NXPH1: variants seen among roughly 807,000 people sequenced by gnomAD.
The protein encoded by NXPH1 is neurexophilin-1.
In NXPH1, 5 loss-of-function variants were observed where a neutral mutation model predicts 23.7. The ratio of observed to expected loss-of-function variants is 0.21; its 90% CI spans 0.11 to 0.44. NXPH1 has a LOEUF of 0.44. Among genes scored for constraint, NXPH1 ranks in the 20% least tolerant of loss-of-function variants. The pLI is 0.99. For missense variants in NXPH1, 324 were observed against 321.6 expected (o/e 1.01, Z -0.06); for synonymous variants, 144 against 122.2 (o/e 1.18, Z -1.18).
intron 2 of NXPH1, among the ~76,000 whole-genome samples, chr7:8,665,991 A>G (rs1820757899): frequency 1.4e-5 from 2 of 142,914 alleles, no homozygotes; most frequent in African/African-American, 2.6e-5. Context: ...AAACAGGGAC[A>G]ATTTAGCATT....
intron 2 of NXPH1, among the ~76,000 whole-genome samples, chr7:8,722,004 T>C (rs1043431025): frequency 2.0e-5 from 3 of 152,198 alleles, no homozygotes; most frequent in African/African-American, 7.2e-5. Flanking sequence ...TAGTACTTCC[T>C]GTTGAGAGTT....
chr7:8,551,897 C>G (rs1462429960), intron 2 of NXPH1, among the ~76,000 whole-genome samples: 1 of 151,298 alleles, frequency 6.6e-6, no homozygotes, highest in Non-Finnish European at 1.5e-5. Flanking sequence ...AGTCAGCTTC[C>G]AATTTGTTCA....
intron 2 of NXPH1, among the ~76,000 whole-genome samples, chr7:8,736,736 G>T (rs138081073): frequency 6.6e-6 from 1 of 152,138 alleles, no homozygotes; most frequent in African/African-American, 2.4e-5. Context: ...GGGTGTTAAA[G>T]TCTCCCACAT....
At chr7:8,528,203 C>T (rs1817894903) in intron 2 of NXPH1, among the ~76,000 whole-genome samples, 1 of 152,202 alleles carries the variant, frequency 6.6e-6, no homozygotes, top group Non-Finnish European at 1.5e-5. Context: ...CCCCCCTCCT[C>T]CCCTGAAGGG....
At chr7:8,726,664 C>G (rs941140054) in intron 2 of NXPH1, among the ~76,000 whole-genome samples, 11 of 150,010 alleles carry the variant, frequency 7.3e-5, no homozygotes, top group Non-Finnish European at 1.3e-4. Context: ...AGGACATGAA[C>G]TCATCATTTT....
chr7:8,565,695 G>A (rs758213398), intron 2 of NXPH1, among the ~76,000 whole-genome samples: 17 of 151,676 alleles, frequency 1.1e-4, no homozygotes, highest in Non-Finnish European at 2.2e-4. Context: ...TTTTTTGGGT[G>A]TTTCACTGGT....
chr7:8,634,484 A>C (rs1205228290), intron 2 of NXPH1, among the ~76,000 whole-genome samples: 4 of 152,116 alleles, frequency 2.6e-5, no homozygotes, highest in African/African-American at 4.8e-5. Flanking sequence ...GCAGTGTGAA[A>C]ATAGACTAAT....
intron 2 of NXPH1, among the ~76,000 whole-genome samples, chr7:8,746,948 G>A (rs944628888): frequency 4.0e-5 from 6 of 151,324 alleles, no homozygotes; most frequent in South Asian, 2.1e-4. Context: ...TCTTAAATCC[G>A]ATTATAAATT....
intron 2 of NXPH1, among the ~76,000 whole-genome samples, chr7:8,490,946 G>A (rs1817239252): frequency 6.6e-6 from 1 of 152,092 alleles, no homozygotes; most frequent in East Asian, 1.9e-4. Flanking sequence ...CATTTCACAG[G>A]ACTGTGTCTA....
At chr7:8,444,569 C>G (rs988385963) in intron 2 of NXPH1, among the ~76,000 whole-genome samples, 4 of 152,328 alleles carry the variant, frequency 2.6e-5, no homozygotes, top group Non-Finnish European at 5.9e-5. Context: ...GCCTGATGCC[C>G]CCGATGGACA....
intron 2 of NXPH1, among the ~76,000 whole-genome samples, chr7:8,438,700 A>G (rs531154173): frequency 1.7e-4 from 26 of 152,274 alleles, no homozygotes; most frequent in African/African-American, 6.0e-4. Context: ...TTTGAGAATA[A>G]CTTCTTATGA....
At chr7:8,608,535 GGTAGTGGCAGAGGT>G (rs1192425067) in intron 2 of NXPH1, among the ~76,000 whole-genome samples, 1 of 151,998 alleles carries the variant, frequency 6.6e-6, no homozygotes, top group African/African-American at 2.4e-5. Flanking sequence ...TAAGAATGGA[GGTAGTGGCAGAGGT>G]GGAGTGAGAA....
chr7:8,506,737 A>C (rs969956583), intron 2 of NXPH1, among the ~76,000 whole-genome samples: 1 of 152,090 alleles, frequency 6.6e-6, no homozygotes, highest in African/African-American at 2.4e-5. Context: ...TTAGGCAAGG[A>C]GATGGTGGTG....
chr7:8,740,430 A>T (rs1780342107), intron 2 of NXPH1, among the ~76,000 whole-genome samples: 1 of 152,200 alleles, frequency 6.6e-6, no homozygotes, highest in Non-Finnish European at 1.5e-5. Flanking sequence ...ACAAAAACCC[A>T]ATGAGTTAGG....
intron 2 of NXPH1, among the ~76,000 whole-genome samples, chr7:8,742,432 G>T (rs1360968026): frequency 6.6e-6 from 1 of 151,772 alleles, no homozygotes; most frequent in African/African-American, 2.4e-5. Flanking sequence ...GTAAAAATAC[G>T]GTATATTCAT....
chr7:8,611,362 CTT>C (rs1386966620), intron 2 of NXPH1, among the ~76,000 whole-genome samples: 1 of 152,082 alleles, frequency 6.6e-6, no homozygotes, highest in Non-Finnish European at 1.5e-5. Context: ...GAGAAAATGT[CTT>C]TGAAAATACT....
intron 2 of NXPH1, among the ~76,000 whole-genome samples, chr7:8,593,495 A>G (rs2128625759): frequency 6.6e-6 from 1 of 152,154 alleles, no homozygotes; most frequent in Admixed American, 6.6e-5. Context: ...CCCTTGTGGA[A>G]TAAATTGCCC....
At chr7:8,619,639 TA>T (rs1819822590) in intron 2 of NXPH1, among the ~76,000 whole-genome samples, 1 of 152,206 alleles carries the variant, frequency 6.6e-6, no homozygotes, top group South Asian at 2.1e-4. Flanking sequence ...ATAATAGTTA[TA>T]AATTCAGTAT....
chr7:8,657,598 C>T (rs1024234784), intron 2 of NXPH1, among the ~76,000 whole-genome samples: 1 of 152,206 alleles, frequency 6.6e-6, no homozygotes, highest in Non-Finnish European at 1.5e-5. Context: ...AAGGGGACAG[C>T]AGCCTGGAGT....
Sources: allele counts gnomAD v4.1 joint callset (sites outside exome capture counted in the v4.1 genomes callset), GRCh38; gene constraint gnomAD v4.1.1; transcripts MANE v1.5; gene names NCBI Gene and HGNC (gene_info 2026-07-23, HGNC 2026-07-21).